Variants in RBPJ observed in about 807,000 individuals in gnomAD.
RBPJ encodes the protein recombining binding protein suppressor of hairless.
A neutral mutation model predicts 67.8 loss-of-function variants in RBPJ; 9 were observed. That is an observed-to-expected ratio of 0.13 (90% CI 0.08 to 0.23). RBPJ has a LOEUF of 0.23. RBPJ is among the 10% of genes least tolerant of loss of function. The pLI is 1.00. For synonymous variants in RBPJ, 198 were observed against 203.3 expected, an observed-to-expected ratio of 0.97 and a Z score of 0.22; for missense variants, 305 against 595.6, an observed-to-expected ratio of 0.51 and a Z score of 5.08.
chr4:26,312,889 T>A (rs1240454071), intron 1 of RBPJ, among the ~76,000 whole-genome samples: 3 of 152,216 alleles, frequency 2.0e-5, no homozygotes, highest in Non-Finnish European at 4.4e-5. Flanking sequence ...GTTTTAATTC[T>A]ACTAAGATGA....
At chr4:26,198,899 G>A (rs1717880526) in intron 1 of RBPJ, among the ~76,000 whole-genome samples, 1 of 152,098 alleles carries the variant, frequency 6.6e-6, no homozygotes. Context: ...TAAAATTATT[G>A]TTTTGTTATT....
intron 1 of RBPJ, among the ~76,000 whole-genome samples, chr4:26,226,805 CCAAT>C (rs1212208112): frequency 3.9e-5 from 6 of 152,072 alleles, no homozygotes; most frequent in African/African-American, 9.7e-5. Flanking sequence ...CCACACATAA[CCAAT>C]CAATTTTCTC....
intron 1 of RBPJ, among the ~76,000 whole-genome samples, chr4:26,226,111 T>G (rs1719066405): frequency 6.8e-6 from 1 of 147,870 alleles, no homozygotes; most frequent in Non-Finnish European, 1.5e-5. Context: ...ATCATGCAAT[T>G]GCACTCCAGC....
intron 1 of RBPJ, among the ~76,000 whole-genome samples, chr4:26,287,930 T>C (rs890759804): frequency 1.3e-5 from 2 of 152,138 alleles, no homozygotes; most frequent in African/African-American, 2.4e-5. Flanking sequence ...TCTCTCTGCT[T>C]CTCTGCATTT....
intron 1 of RBPJ, among the ~76,000 whole-genome samples, chr4:26,285,664 T>A: frequency 7.8e-6 from 1 of 127,840 alleles, no homozygotes; most frequent in Non-Finnish European, 1.6e-5. Flanking sequence ...ACCTGCTTAA[T>A]GATACTGATA....
chr4:26,123,383 C>G, the RBPJ span, among the ~76,000 whole-genome samples: 1 of 152,112 alleles, frequency 6.6e-6, no homozygotes, highest in African/African-American at 2.4e-5. Flanking sequence ...TGCAGGACCG[C>G]AAGTTGTTCT....
At chr4:26,211,556 C>T (rs1356390668) in intron 1 of RBPJ, among the ~76,000 whole-genome samples, 1 of 152,132 alleles carries the variant, frequency 6.6e-6, no homozygotes, top group East Asian at 1.9e-4. Flanking sequence ...CATAAAGTTG[C>T]ACGACCATCA....
At chr4:26,347,540 T>C (rs1726290404) in intron 1 of RBPJ, among the ~76,000 whole-genome samples, 1 of 152,164 alleles carries the variant, frequency 6.6e-6, no homozygotes, top group Non-Finnish European at 1.5e-5. Context: ...TAAATGTTCA[T>C]TGGATTTAGG....
intron 1 of RBPJ, among the ~76,000 whole-genome samples, chr4:26,244,363 G>GTGTGTATATGTATACACATGTGTA (rs1719823906): frequency 3.3e-5 from 1 of 30,700 alleles, no homozygotes; most frequent in Non-Finnish European, 6.5e-5. Flanking sequence ...ATATATGTAT[G>GTGTGTATATGTATACACATGTGTA]CACATATGTG....
chr4:26,178,357 C>A (rs532159001), intron 1 of RBPJ, among the ~76,000 whole-genome samples: 1 of 152,096 alleles, frequency 6.6e-6, no homozygotes, highest in African/African-American at 2.4e-5. Flanking sequence ...AGGCCCAGGC[C>A]GGGCATAGTG....
chr4:26,211,962 T>TG (rs1718439790), intron 1 of RBPJ, among the ~76,000 whole-genome samples: 1 of 152,042 alleles, frequency 6.6e-6, no homozygotes, highest in Admixed American at 6.6e-5. Context: ...ATGGGGGTGA[T>TG]GCGCCAGATG....
At chr4:26,195,680 C>T (rs929742790) in intron 1 of RBPJ, among the ~76,000 whole-genome samples, 8 of 152,170 alleles carry the variant, frequency 5.3e-5, no homozygotes, top group Non-Finnish European at 1.0e-4. Context: ...CTGCAACCTC[C>T]GCCTCCCAGG....
At chr4:26,363,670 C>G (rs1728313095) in intron 1 of RBPJ, among the ~76,000 whole-genome samples, 1 of 152,172 alleles carries the variant, frequency 6.6e-6, no homozygotes, top group African/African-American at 2.4e-5. Context: ...AACTCCTGAC[C>G]TCAGGTGATC....
Position 26,214,754 on chromosome 4 carries a change from AAAAGAGAGAAAAAAGAG to A in RBPJ, c.-167+51146_-167+51162del, listed in dbSNP as rs1454605651. 2.0e-3 allele frequency among the ~76,000 whole-genome samples: 110 copies of A among 56,400 alleles called. 1 individual carries two copies. Among genetic ancestry groups the A allele is most frequent in the Non-Finnish European group, 2.9e-3 (90 of 31,112 alleles). The allele number at this position is 56,400 out of a possible 152,430, so 37.0% of individuals were successfully genotyped here. On this transcript the variant is annotated intron_variant, in intron 1 of 4. Coordinates refer to the RBPJ transcript ENST00000512351. ...AAGAGGGAAGAGAGAGAGAAAGAGAAAAAGAGAGAAAAAAGAGAAAGAAAGAAAGAAAAAGAGAAGGA... is the reference window on the plus strand; with the variant it reads ...AAGAGGGAAGAGAGAGAGAAAGAGAAAAAGAAAGAAAGAAAAAGAGAAGGA...
chr4:26,394,421 T>G (rs1283006580), intron 2 of RBPJ, among the ~76,000 whole-genome samples: 1 of 151,296 alleles, frequency 6.6e-6, no homozygotes, highest in Non-Finnish European at 1.5e-5. Flanking sequence ...CCCAATCTCT[T>G]GAAATACTCC....
intron 1 of RBPJ, among the ~76,000 whole-genome samples, chr4:26,351,644 G>A (rs1335082952): frequency 6.6e-6 from 1 of 152,202 alleles, no homozygotes; most frequent in Non-Finnish European, 1.5e-5. Flanking sequence ...GCCTCCCAGA[G>A]TGTTGGGATT....
In RBPJ at chr4:26,228,063, C is replaced by T. The variant is rs111446839; in HGVS notation, c.-167+64449C>T. Reference sequence around the variant, plus strand: ...CGGCAAGTCACTAGGAACACATGGCCTCAGCCCTGCGCCCCACCCATCCCT... The same window carrying T: ...CGGCAAGTCACTAGGAACACATGGCTTCAGCCCTGCGCCCCACCCATCCCT... On this transcript the variant is annotated intron_variant, in intron 1 of 4. Transcript: ENST00000512351. 1.2e-3 allele frequency among the ~76,000 whole-genome samples: 185 copies of T among 152,330 alleles called. 1 individual carries two copies. Among genetic ancestry groups the T allele is most frequent in the African/African-American group, 4.3e-3 (178 of 41,582 alleles).
chr4:26,196,715 G>A (rs926699783), intron 1 of RBPJ, among the ~76,000 whole-genome samples: 1 of 152,250 alleles, frequency 6.6e-6, no homozygotes, highest in East Asian at 1.9e-4. Flanking sequence ...ATAACAGACA[G>A]CCACATACCC....
chr4:26,196,835 A>G (rs1165993667), intron 1 of RBPJ, among the ~76,000 whole-genome samples: 2 of 152,176 alleles, frequency 1.3e-5, no homozygotes, highest in Admixed American at 6.5e-5. Flanking sequence ...ATCCTGGGCC[A>G]AATCTGCCAT....
Sources: allele counts gnomAD v4.1 joint callset (sites outside exome capture counted in the v4.1 genomes callset), GRCh38; gene constraint gnomAD v4.1.1; transcripts MANE v1.5; gene names NCBI Gene and HGNC (gene_info 2026-07-23, HGNC 2026-07-21).